The following ARHGAP24 variants were observed in gnomAD, a reference collection of about 807,000 sequenced individuals.
ARHGAP24 encodes Rho GTPase activating protein 24.
In ARHGAP24, 50 loss-of-function variants were observed where a neutral mutation model predicts 76.4. The observed-to-expected ratio is 0.65, with a 90% CI of 0.52 to 0.83. The LOEUF (loss-of-function observed/expected upper bound fraction) is 0.83. ARHGAP24 is among the 40% of genes least tolerant of loss of function. The pLI is 0.00. For missense variants in ARHGAP24, 930 were observed against 914.2 expected (o/e 1.02, Z -0.22); for synonymous variants, 345 against 323.3 (o/e 1.07, Z -0.72).
At chr4:85,888,242 A>C (rs1374314930) in intron 3 of ARHGAP24, among the ~76,000 whole-genome samples, 3 of 152,122 alleles carry the variant, frequency 2.0e-5, no homozygotes, top group South Asian at 4.2e-4. Flanking sequence ...TTCTACTAAA[A>C]ATACAAAAAT....
Position 85,901,924 on chromosome 4 carries a change from G to A in ARHGAP24, c.269-21724G>A, listed in dbSNP as rs1419319905. 2.0e-5 allele frequency among the ~76,000 whole-genome samples: 3 copies of A among 151,964 alleles called. No individual in the cohort carries two copies. In the East Asian group the frequency reaches 5.8e-4, roughly 29 times the overall value. On this transcript the variant is annotated intron_variant, in intron 3 of 9. Transcript: ENST00000395184. ...CTGCACCTATCAACCCGTCATCAAG[G>A]TTTTAAGCCCCGCATGCATTAGGTA...
At chr4:85,636,409 G>A (rs1246450587) in intron 2 of ARHGAP24, among the ~76,000 whole-genome samples, 2 of 151,702 alleles carry the variant, frequency 1.3e-5, no homozygotes, top group South Asian at 2.1e-4. Flanking sequence ...TCTGCTGTTG[G>A]TTTGAATTCA....
intron 2 of ARHGAP24, among the ~76,000 whole-genome samples, chr4:85,671,052 C>T (rs6827564): frequency 0.025 from 3,814 of 152,242 alleles, 149 homozygotes; most frequent in African/African-American, 0.086. Context: ...ATCTAAATTA[C>T]TTTGTATGAC....
intron 3 of ARHGAP24, among the ~76,000 whole-genome samples, chr4:85,811,308 A>G (rs1024297824): frequency 6.6e-6 from 1 of 152,226 alleles, no homozygotes; most frequent in Non-Finnish European, 1.5e-5. Flanking sequence ...TGCAAATTTT[A>G]AAGCTTCCCT....
chr4:85,589,264 T>C (rs1277137425), intron 2 of ARHGAP24, among the ~76,000 whole-genome samples: 2 of 152,212 alleles, frequency 1.3e-5, no homozygotes, highest in African/African-American at 4.8e-5. Context: ...TGGATCCTCA[T>C]TTTCTCATCT....
chr4:85,699,451 AG>A (rs916792312), intron 2 of ARHGAP24, among the ~76,000 whole-genome samples: 4 of 152,076 alleles, frequency 2.6e-5, no homozygotes, highest in African/African-American at 7.2e-5. Context: ...TTTTCAAAAA[AG>A]TTAGCCAGAT....
chr4:85,655,211 A>G (rs1020288865), intron 2 of ARHGAP24, among the ~76,000 whole-genome samples: 1 of 152,140 alleles, frequency 6.6e-6, no homozygotes, highest in African/African-American at 2.4e-5. Flanking sequence ...ATTTGGGAGC[A>G]TAGGGTGATA....
intron 2 of ARHGAP24, among the ~76,000 whole-genome samples, chr4:85,642,347 C>G (rs964263158): frequency 2.0e-5 from 3 of 152,064 alleles, no homozygotes; most frequent in Admixed American, 2.0e-4. Flanking sequence ...TCTCACACAC[C>G]TGAATGTAAA....
At chr4:85,627,275 T>A (rs1720992238) in intron 2 of ARHGAP24, among the ~76,000 whole-genome samples, 1 of 152,188 alleles carries the variant, frequency 6.6e-6, no homozygotes, top group Non-Finnish European at 1.5e-5. Context: ...TTCTTTTTGT[T>A]AGTTTTCCTT....
intron 3 of ARHGAP24, among the ~76,000 whole-genome samples, chr4:85,896,959 A>C (rs932252563): frequency 6.6e-6 from 1 of 152,062 alleles, no homozygotes; most frequent in African/African-American, 2.4e-5. Flanking sequence ...GGTTTAAAAA[A>C]TCTCTTTTAG....
intron 3 of ARHGAP24, among the ~76,000 whole-genome samples, chr4:85,842,326 C>G (rs1356038555): frequency 6.6e-6 from 1 of 151,998 alleles, no homozygotes; most frequent in African/African-American, 2.4e-5. Context: ...GATTCAAATC[C>G]TAACCTGCCA....
rs1019135787 is a variant in ARHGAP24, at chr4:85,932,471, C to T, written c.391+8701C>T. Among the ~76,000 whole-genome samples the T allele has an allele frequency of 2.1e-4, 30 of 145,226 alleles. No individual in the cohort carries two copies. The East Asian group carries it at 3.8e-3, about 19-fold the overall frequency. On this transcript the variant is annotated intron_variant, in intron 4 of 9. Coordinates refer to ENST00000395184, the MANE Select transcript of ARHGAP24 (RefSeq NM_001025616.3). ...TTTTTTTTTTGGCCTTTGTCACCTT[C>T]CCGTCTCCCATAGAATCCTTGTGAA...
chr4:85,842,993 C>T (rs934049194), intron 3 of ARHGAP24, among the ~76,000 whole-genome samples: 1 of 152,138 alleles, frequency 6.6e-6, no homozygotes, highest in Admixed American at 6.6e-5. Context: ...GGCAGTCAGG[C>T]CATACTATTT....
chr4:85,565,744 T>C, intron 1 of ARHGAP24, among the ~76,000 whole-genome samples: 1 of 152,234 alleles, frequency 6.6e-6, no homozygotes, highest in East Asian at 1.9e-4. Context: ...GGTATTGTAA[T>C]TTCAAATACA....
intron 8 of ARHGAP24, among the ~76,000 whole-genome samples, chr4:85,993,788 G>T (rs1042816020): frequency 4.6e-5 from 7 of 152,164 alleles, no homozygotes; most frequent in Admixed American, 1.3e-4. Context: ...AGGAGGAGAA[G>T]ATTAGAGCAA....
At chr4:85,665,111 G>T (rs1388961371) in intron 2 of ARHGAP24, among the ~76,000 whole-genome samples, 1 of 151,982 alleles carries the variant, frequency 6.6e-6, no homozygotes, top group African/African-American at 2.4e-5. Context: ...GTTGACAGTG[G>T]GGTGTTAAAG....
intron 1 of ARHGAP24, among the ~76,000 whole-genome samples, chr4:85,494,540 C>G (rs1723481909): frequency 6.6e-6 from 1 of 151,692 alleles, no homozygotes; most frequent in African/African-American, 2.4e-5. Flanking sequence ...CAAAAATTAG[C>G]TGGGCGTGGT....
intron 1 of ARHGAP24, among the ~76,000 whole-genome samples, chr4:85,500,924 A>C (rs552163022): frequency 5.3e-5 from 8 of 151,022 alleles, no homozygotes; most frequent in Admixed American, 4.0e-4. Flanking sequence ...CCAGTGTCCA[A>C]GTGTTCTCAT....
chr4:86,000,998 T>C lies in ARHGAP24; in HGVS notation c.*276T>C, dbSNP rs575330272. ...ATGAGAAGCATATTTCAAGAATTAT[T>C]TTATTGCAAGTCTTGTATTTAAATG... is the stretch of plus-strand genomic sequence containing the variant. On this transcript the variant is annotated 3_prime_UTR_variant, in exon 10 of 10. Transcript: ENST00000395184. 1.5e-3 allele frequency: 773 copies of C among 515,636 alleles called. No homozygotes were observed. The highest frequency in any genetic ancestry group is 2.2e-3 in the Non-Finnish European group (639 of 295,476). The allele number at this position is 515,636 out of a possible 1,614,324, so 31.9% of individuals were successfully genotyped here.
Sources: allele counts gnomAD v4.1 joint callset (sites outside exome capture counted in the v4.1 genomes callset), GRCh38; gene constraint gnomAD v4.1.1; transcripts MANE v1.5; gene names NCBI Gene and HGNC (gene_info 2026-07-23, HGNC 2026-07-21).